The following PITPNM2 variants were observed in gnomAD, a reference collection of about 807,000 sequenced individuals.
PITPNM2 encodes membrane-associated phosphatidylinositol transfer protein 2.
A neutral mutation model predicts 132.2 loss-of-function variants in PITPNM2; 35 were observed. The ratio of observed to expected loss-of-function variants is 0.26; its 90% CI spans 0.20 to 0.35. PITPNM2 has a LOEUF of 0.35. PITPNM2 is among the 10% of genes least tolerant of loss of function. PITPNM2 has a pLI of 1.00. For missense variants in PITPNM2, 1,332 were observed against 1,912.0 expected (o/e 0.70, Z 5.66); for synonymous variants, 738 against 799.2 (o/e 0.92, Z 1.29).
chr12:123,140,105 G>A (rs971825535), intron 1 of PITPNM2, among the ~76,000 whole-genome samples: 2 of 152,126 alleles, frequency 1.3e-5, no homozygotes, highest in African/African-American at 4.8e-5. Flanking sequence ...GAAGTTCAAG[G>A]GATGTGTCTC....
chr12:123,038,935 T>A (rs530797952), intron 2 of PITPNM2, among the ~76,000 whole-genome samples: 3 of 152,134 alleles, frequency 2.0e-5, no homozygotes, highest in Admixed American at 2.0e-4. Context: ...TACTGTCTCT[T>A]CAAAAAATCA....
At chr12:123,110,600 G>A (rs987822035) in intron 1 of PITPNM2, 112 bp from the exon 2 acceptor site, 1 of 152,328 alleles carries the variant, frequency 6.6e-6, no homozygotes, top group African/African-American at 2.4e-5. Context: ...ATTGAACAGG[G>A]GACATCTGAC....
chr12:123,132,736 A>C (rs1373307343), intron 1 of PITPNM2, among the ~76,000 whole-genome samples: 1 of 151,658 alleles, frequency 6.6e-6, no homozygotes, highest in Admixed American at 6.6e-5. Flanking sequence ...GTATTTGCCT[A>C]TTCTAGGTAC....
intron 2 of PITPNM2, among the ~76,000 whole-genome samples, chr12:123,070,523 C>T (rs755818575): frequency 3.3e-5 from 5 of 152,144 alleles, no homozygotes; most frequent in Admixed American, 6.5e-5. Context: ...ACACCCAGGC[C>T]GGGCAGCCCA....
intron 3 of PITPNM2, among the ~76,000 whole-genome samples, chr12:123,027,418 C>T (rs1018166809): frequency 6.6e-6 from 1 of 152,186 alleles, no homozygotes; most frequent in African/African-American, 2.4e-5. Context: ...AACTAGGAGA[C>T]CTCAAAGTGC....
chr12:123,135,913 C>T (rs1254807113), intron 1 of PITPNM2, among the ~76,000 whole-genome samples: 1 of 152,122 alleles, frequency 6.6e-6, no homozygotes, highest in Non-Finnish European at 1.5e-5. Flanking sequence ...ATGTATATAC[C>T]ACATTTTCTT....
chr12:122,987,386 T>C lies in PITPNM2; in HGVS notation c.3308A>G (p.Lys1103Arg). ...FADSYITVLP[K>R]GTEFVVFSID... Reference sequence around the variant, plus strand: ...GCTGAAGACCACGAACTCTGTGCCCTTGGGCAGCACGGTGATGTAGCTGTC... The same window carrying C: ...GCTGAAGACCACGAACTCTGTGCCCCTGGGCAGCACGGTGATGTAGCTGTC... The change falls in exon 23 of 26, where the codon AAG (lysine) becomes AGG (arginine). Residue 1103 changes from lysine to arginine, a missense_variant. Lys to Arg is a conservative substitution (Grantham distance 26, BLOSUM62 2). Coordinates refer to ENST00000320201, the MANE Select transcript of PITPNM2 (RefSeq NM_020845.3). 1 of 1,613,798 alleles carries C rather than the reference T, an allele frequency of 6.2e-7. No homozygotes were observed. The highest frequency in any genetic ancestry group is 8.5e-7 in the Non-Finnish European group (1 of 1,180,022).
At chr12:123,127,114 T>C (rs1460094388) in intron 1 of PITPNM2, among the ~76,000 whole-genome samples, 2 of 152,178 alleles carry the variant, frequency 1.3e-5, no homozygotes, top group African/African-American at 4.8e-5. Flanking sequence ...CCAGGATGAG[T>C]TGAGCTTGAA....
At chr12:123,027,441 A>T (rs2039901894) in intron 3 of PITPNM2, among the ~76,000 whole-genome samples, 1 of 152,186 alleles carries the variant, frequency 6.6e-6, no homozygotes, top group African/African-American at 2.4e-5. Context: ...CACTAAAAGC[A>T]ATGTGAAAAA....
rs1307956767 is a variant in PITPNM2 at position 123,111,962 on chromosome 12, C to G, written c.-199-1474G>C. Among the ~76,000 whole-genome samples the G allele has an allele frequency of 6.6e-6, 1 of 152,208 alleles. No homozygotes were observed. The highest frequency in any genetic ancestry group is 1.9e-4 in the East Asian group (1 of 5,176). ...TTGAGGGTTTGCCATGGTAACGCACCCATCAATGGCGAGCCAGATTTGGTA... is the reference window on the plus strand; with the variant it reads ...TTGAGGGTTTGCCATGGTAACGCACGCATCAATGGCGAGCCAGATTTGGTA... On this transcript the variant is annotated intron_variant, in intron 1 of 25. Coordinates refer to ENST00000320201, the MANE Select transcript of PITPNM2 (RefSeq NM_020845.3). This position sits in a 1 kb window ranked among gnomAD's most constrained non-coding sequence, Gnocchi z 4.1.
intron 16 of PITPNM2, chr12:122,991,756 C>T (rs774802334): frequency 1.5e-6 from 2 of 1,297,532 alleles, no homozygotes; most frequent in Admixed American, 3.1e-5. Context: ...GGTACACACA[C>T]TCGGCACAGC....
At chr12:122,999,416 G>T (rs908979766) in intron 10 of PITPNM2, among the ~76,000 whole-genome samples, 2 of 152,232 alleles carry the variant, frequency 1.3e-5, no homozygotes, top group Non-Finnish European at 2.9e-5. Context: ...CATGAGCCCT[G>T]TTGGGCTTTG....
At chr12:123,135,149 A>G (rs1001254175) in intron 1 of PITPNM2, among the ~76,000 whole-genome samples, 1 of 152,076 alleles carries the variant, frequency 6.6e-6, no homozygotes, top group Non-Finnish European at 1.5e-5. Context: ...ATGTGGCCAC[A>G]CCCAGTCTAG....
intron 2 of PITPNM2, among the ~76,000 whole-genome samples, chr12:123,066,430 C>T (rs2041415951): frequency 6.6e-6 from 1 of 152,156 alleles, no homozygotes; most frequent in Non-Finnish European, 1.5e-5. Context: ...CAGCCAGGAG[C>T]AAGAGCAGGG....
intron 13 of PITPNM2, 126 bp from the exon 14 acceptor site, chr12:122,995,786 C>T (rs1268647910): frequency 4.8e-5 from 63 of 1,314,274 alleles, no homozygotes; most frequent in Non-Finnish European, 6.2e-5. Flanking sequence ...CGGCCTCTTG[C>T]CAAACCAGAG....
chr12:123,091,628 G>A (rs2042272677), intron 2 of PITPNM2: 2 of 152,178 alleles, frequency 1.3e-5, no homozygotes, highest in African/African-American at 4.8e-5. Flanking sequence ...AGGTGCATTT[G>A]AGCACTACAA....
chr12:123,094,994 G>A (rs1434777117), intron 2 of PITPNM2, among the ~76,000 whole-genome samples: 1 of 152,188 alleles, frequency 6.6e-6, no homozygotes, highest in South Asian at 2.1e-4. Context: ...GCTTCGTGGC[G>A]CACTGAAGCA....
chr12:123,050,906 T>G (rs2040835360), intron 2 of PITPNM2, among the ~76,000 whole-genome samples: 1 of 151,996 alleles, frequency 6.6e-6, no homozygotes, highest in South Asian at 2.1e-4. Flanking sequence ...CTGGTCAAAT[T>G]TGGAAAGCCC....
At chr12:123,047,728 G>A (rs2040708357) in intron 2 of PITPNM2, among the ~76,000 whole-genome samples, 1 of 151,992 alleles carries the variant, frequency 6.6e-6, no homozygotes, top group South Asian at 2.1e-4. Context: ...GGGGAGACAG[G>A]CATCACATGA....
Sources: gnomAD v4.1 joint callset for allele counts (sites outside exome capture counted in the v4.1 genomes callset) on GRCh38, gnomAD v4.1.1 for gene constraint, Gnocchi (gnomAD v3.1) non-coding constraint, MANE v1.5 for transcripts, NCBI Gene and HGNC (gene_info 2026-07-23, HGNC 2026-07-21) for gene names.